The following EXOC2 variants were observed in gnomAD, a reference collection of about 807,000 sequenced individuals.
The protein encoded by EXOC2 is SEC5-like 1.
EXOC2 carries 70 observed loss-of-function variants against 131.8 expected under a neutral mutation model. The ratio of observed to expected loss-of-function variants is 0.53; its 90% CI spans 0.44 to 0.65. The LOEUF is 0.65. EXOC2 is among the 30% of genes least tolerant of loss of function. The pLI, the probability that EXOC2 is intolerant of heterozygous loss-of-function variation, is 0.00. For synonymous variants in EXOC2, 411 were observed against 398.4 expected (o/e 1.03, Z -0.38); for missense variants, 923 against 1,108.6 (o/e 0.83, Z 2.38).
At chr6:560,649 G>T (rs954233485) in intron 17 of EXOC2, among the ~76,000 whole-genome samples, 1 of 151,932 alleles carries the variant, frequency 6.6e-6, no homozygotes, top group East Asian at 1.9e-4. Context: ...CTATAGACTA[G>T]TCACTATTTA....
chr6:556,872 G>A (rs1222341686), intron 17 of EXOC2, among the ~76,000 whole-genome samples: 2 of 152,228 alleles, frequency 1.3e-5, no homozygotes, highest in African/African-American at 4.8e-5. Flanking sequence ...TATACAACGA[G>A]GAGCAGATAT....
At chr6:619,036 T>C (rs1761152406) in intron 5 of EXOC2, among the ~76,000 whole-genome samples, 1 of 152,188 alleles carries the variant, frequency 6.6e-6, no homozygotes, top group Non-Finnish European at 1.5e-5. Context: ...TCATCTTCCT[T>C]TGCCCTATGG....
chr6:587,708 G>T (rs141203461), intron 11 of EXOC2, among the ~76,000 whole-genome samples: 1 of 152,178 alleles, frequency 6.6e-6, no homozygotes, highest in South Asian at 2.1e-4. Flanking sequence ...CGTCTGTGCC[G>T]CATTTCATTT....
At chr6:615,920 A>T (rs1160905840) in intron 6 of EXOC2, among the ~76,000 whole-genome samples, 6 of 152,198 alleles carry the variant, frequency 3.9e-5, no homozygotes, top group African/African-American at 1.4e-4. Context: ...AGATGATATT[A>T]AACAATTATT....
chr6:590,470 C>G (rs1759479911), intron 11 of EXOC2, among the ~76,000 whole-genome samples: 1 of 152,196 alleles, frequency 6.6e-6, no homozygotes, highest in Non-Finnish European at 1.5e-5. Context: ...ACGGCGACCT[C>G]TCCATTGTAC....
At chr6:586,786 C>A (rs948671924) in intron 11 of EXOC2, among the ~76,000 whole-genome samples, 3 of 152,098 alleles carry the variant, frequency 2.0e-5, no homozygotes, top group Non-Finnish European at 4.4e-5. Context: ...ACCTGGACAC[C>A]CACTAGTCCC....
chr6:646,351 G>A (rs1042106247), intron 1 of EXOC2, among the ~76,000 whole-genome samples: 2 of 152,088 alleles, frequency 1.3e-5, no homozygotes, highest in Non-Finnish European at 2.9e-5. Context: ...ACAGAAATTG[G>A]GGAAAAAGGA....
chr6:542,858 A>G (rs2127556405), intron 22 of EXOC2, among the ~76,000 whole-genome samples: 1 of 152,296 alleles, frequency 6.6e-6, no homozygotes, highest in Admixed American at 6.5e-5. Flanking sequence ...GCCATGAGAG[A>G]AAGAGGCAAG....
At chr6:618,083 T>C (rs963986119) in intron 5 of EXOC2, among the ~76,000 whole-genome samples, 9 of 152,190 alleles carry the variant, frequency 5.9e-5, no homozygotes, top group African/African-American at 2.2e-4. Flanking sequence ...TAATTCCAAA[T>C]ACATTAGACC....
At chr6:497,563 TCAAAA>T in intron 24 of EXOC2, 74 bp from the exon 25 acceptor site, 1 of 1,509,034 alleles carries the variant, frequency 6.6e-7, no homozygotes, top group Non-Finnish European at 8.9e-7. Context: ...AAGTTAACAT[TCAAAA>T]CAAAACAAAA....
intron 4 of EXOC2, among the ~76,000 whole-genome samples, chr6:621,663 A>G (rs141955287): frequency 3.3e-5 from 5 of 152,232 alleles, no homozygotes; most frequent in Admixed American, 6.5e-5. Flanking sequence ...GACTGAGTCG[A>G]TCGTGCATCT....
chr6:543,069 A>T (rs983399652), intron 22 of EXOC2, among the ~76,000 whole-genome samples: 1 of 152,208 alleles, frequency 6.6e-6, no homozygotes, highest in African/African-American at 2.4e-5. Context: ...GGTTCCTACA[A>T]CACCACGGCT....
chr6:522,054 G>A (rs1765498777), intron 23 of EXOC2, among the ~76,000 whole-genome samples: 1 of 152,158 alleles, frequency 6.6e-6, no homozygotes, highest in African/African-American at 2.4e-5. Flanking sequence ...CAAGGCATTA[G>A]CTAATCAACT....
intron 23 of EXOC2, among the ~76,000 whole-genome samples, chr6:527,957 G>A (rs1382966652): frequency 1.3e-5 from 2 of 151,950 alleles, no homozygotes; most frequent in Admixed American, 6.6e-5. Context: ...ATGTGTATTT[G>A]TAAGTAAAGA....
chr6:567,698 A>G (rs888113909), intron 13 of EXOC2, among the ~76,000 whole-genome samples: 3 of 152,120 alleles, frequency 2.0e-5, no homozygotes, highest in African/African-American at 7.2e-5. Context: ...GTGCATGCAT[A>G]CATGTGCATG....
Position 619,442 on chromosome 6 carries a change from T to A in EXOC2, c.524A>T (p.His175Leu). ...CATATCCACTAACCTGGTGTTTGAG[T>A]GATTCTCTATAAGATACCAGGCTGC... ...FSAAWYLIEN[H>L]SNTSFEQLKM... Residue 175 changes from histidine (H) to leucine (L), a missense_variant, in exon 5 of 28, where the codon CAC (histidine) becomes CTC (leucine). Physicochemically the swap from His to Leu is moderately conservative, Grantham distance 99. Coordinates refer to ENST00000230449, the MANE Select transcript of EXOC2 (RefSeq NM_018303.6). 6 of 1,613,388 alleles carry A rather than the reference T, an allele frequency of 3.7e-6. No homozygotes were observed. Among genetic ancestry groups the A allele is most frequent in the Non-Finnish European group, 4.2e-6 (5 of 1,179,400 alleles).
intron 6 of EXOC2, among the ~76,000 whole-genome samples, chr6:616,135 C>T (rs1760987045): frequency 6.6e-6 from 1 of 152,158 alleles, no homozygotes; most frequent in African/African-American, 2.4e-5. Flanking sequence ...AGTCCACTGA[C>T]AATAGTGGAT....
intron 22 of EXOC2, among the ~76,000 whole-genome samples, chr6:540,147 G>A (rs1484394211): frequency 2.0e-5 from 3 of 152,130 alleles, no homozygotes; most frequent in African/African-American, 7.2e-5. Flanking sequence ...TAGAGATGGG[G>A]TTTCACCATG....
intron 22 of EXOC2, among the ~76,000 whole-genome samples, chr6:546,890 G>A (rs1756894862): frequency 6.6e-6 from 1 of 152,244 alleles, no homozygotes; most frequent in Non-Finnish European, 1.5e-5. Flanking sequence ...TGCACAGGGG[G>A]TTGGCACCCC....
Sources: gnomAD v4.1 joint callset for allele counts (sites outside exome capture counted in the v4.1 genomes callset) on GRCh38, gnomAD v4.1.1 for gene constraint, MANE v1.5 for transcripts, NCBI Gene and HGNC (gene_info 2026-07-23, HGNC 2026-07-21) for gene names.